Variants in SLCO5A1 observed in about 807,000 individuals in gnomAD.
SLCO5A1 encodes the protein solute carrier organic anion transporter family member 5A1.
A neutral mutation model predicts 65.1 loss-of-function variants in SLCO5A1; 39 were observed. The ratio of observed to expected loss-of-function variants is 0.60; its 90% CI spans 0.46 to 0.78. The LOEUF (loss-of-function observed/expected upper bound fraction) is 0.78. Among genes scored for constraint, SLCO5A1 ranks in the 30% least tolerant of loss-of-function variants. The pLI is 0.00. For missense variants in SLCO5A1, 1,029 were observed against 1,069.4 expected, an observed-to-expected ratio of 0.96 and a Z score of 0.53; for synonymous variants, 438 against 415.7, an observed-to-expected ratio of 1.05 and a Z score of -0.65.
intron 5 of SLCO5A1, among the ~76,000 whole-genome samples, chr8:69,717,843 T>C (rs1249677208): frequency 1.3e-5 from 2 of 152,210 alleles, no homozygotes; most frequent in Admixed American, 1.3e-4. Context: ...CATTTTGAAA[T>C]GAGGATACAT....
chr8:69,789,379 T>C (rs1177863392), intron 2 of SLCO5A1, among the ~76,000 whole-genome samples: 1 of 152,226 alleles, frequency 6.6e-6, no homozygotes. Context: ...ATAGGCAAGA[T>C]GTTTTAGCTT....
intron 2 of SLCO5A1, among the ~76,000 whole-genome samples, chr8:69,799,983 C>T (rs983551519): frequency 2.0e-5 from 3 of 151,898 alleles, no homozygotes; most frequent in Admixed American, 6.6e-5. Context: ...TAATAATTTC[C>T]TGAAAATATT....
intron 5 of SLCO5A1, among the ~76,000 whole-genome samples, chr8:69,737,498 G>A (rs972823026): frequency 1.3e-5 from 2 of 152,040 alleles, no homozygotes; most frequent in African/African-American, 4.8e-5. Flanking sequence ...AAGATTTTAA[G>A]CACTAAGTAC....
At position 69,727,046 on chromosome 8, in the gene SLCO5A1, G is replaced by A. The variant is rs148366048; in HGVS notation, c.1423+10994C>T. ...ATCTCATTTAATCCTCAGAGCCTTTGCTACCCATAGAGGTTAATGAGTTGG... is the reference window on the plus strand; with the variant it reads ...ATCTCATTTAATCCTCAGAGCCTTTACTACCCATAGAGGTTAATGAGTTGG... On this transcript the variant is annotated intron_variant, in intron 5 of 9. Coordinates refer to ENST00000260126, the MANE Select transcript of SLCO5A1 (RefSeq NM_030958.3). Among the ~76,000 whole-genome samples the A allele has an allele frequency of 1.8e-4, 28 of 152,284 alleles. No individual in the cohort carries two copies. The East Asian group carries it at 5.2e-3, about 28-fold the overall frequency.
At chr8:69,790,752 A>T (rs747034633) in intron 2 of SLCO5A1, among the ~76,000 whole-genome samples, 11 of 152,240 alleles carry the variant, frequency 7.2e-5, no homozygotes, top group Non-Finnish European at 1.3e-4. Context: ...GAGCAGTATG[A>T]ACTAAAAACA....
chr8:69,711,693 T>C (rs114225075), intron 5 of SLCO5A1, among the ~76,000 whole-genome samples: 2 of 152,226 alleles, frequency 1.3e-5, no homozygotes, highest in Non-Finnish European at 2.9e-5. Flanking sequence ...GCTGCATGTC[T>C]TCAGGCAAAT....
In SLCO5A1 at chr8:69,673,103, C is replaced by A; in HGVS notation, c.2313G>T (p.Arg771Ser). Residue 771 changes from arginine (R) to serine (S), a missense_variant, in exon 10 of 10, where the codon AGG (arginine) becomes AGT (serine). By Grantham distance (110) the Arg-to-Ser change is moderately radical. Coordinates refer to ENST00000260126, the MANE Select transcript of SLCO5A1 (RefSeq NM_030958.3). Reference sequence around the variant, plus strand: ...CGGTGCTCAGGGGAAATTCTCTCTGCCTCCGCCTCTGCAGTCCATCCTCCT... The same window carrying A: ...CGGTGCTCAGGGGAAATTCTCTCTGACTCCGCCTCTGCAGTCCATCCTCCT... Reference protein sequence around the residue: ...KYKEDGLQRRRQREFPLSTVS... With the variant: ...KYKEDGLQRRSQREFPLSTVS... 6.2e-7 allele frequency: 1 copy of A among 1,614,244 alleles called. No individual in the cohort carries two copies. Among genetic ancestry groups the A allele is most frequent in the Non-Finnish European group, 8.5e-7 (1 of 1,180,040 alleles).
intron 2 of SLCO5A1, among the ~76,000 whole-genome samples, chr8:69,807,404 T>C (rs190538801): frequency 3.0e-4 from 46 of 152,316 alleles, no homozygotes; most frequent in African/African-American, 1.1e-3. Flanking sequence ...CAATACATTA[T>C]TATTAACTAC....
chr8:69,736,092 T>G (rs1028840442), intron 5 of SLCO5A1, among the ~76,000 whole-genome samples: 2 of 152,186 alleles, frequency 1.3e-5, no homozygotes, highest in African/African-American at 4.8e-5. Context: ...GATGACAAAA[T>G]CAGAATGGAA....
intron 5 of SLCO5A1, among the ~76,000 whole-genome samples, chr8:69,728,124 C>T (rs1034025372): frequency 6.6e-6 from 1 of 152,030 alleles, no homozygotes; most frequent in African/African-American, 2.4e-5. Context: ...GGTCTCTAGA[C>T]TGTATGGTAC....
chr8:69,680,640 A>G (rs1813729343), intron 7 of SLCO5A1, among the ~76,000 whole-genome samples: 1 of 152,204 alleles, frequency 6.6e-6, no homozygotes, highest in Non-Finnish European at 1.5e-5. Flanking sequence ...TTTCTTTTGG[A>G]TACATACACA....
chr8:69,825,157 C>T (rs1384215503), intron 2 of SLCO5A1, among the ~76,000 whole-genome samples: 3 of 152,066 alleles, frequency 2.0e-5, no homozygotes, highest in Admixed American at 1.3e-4. Context: ...TCTGACAAAC[C>T]CACAGCCAAT....
chr8:69,679,634 T>C lies in SLCO5A1; in HGVS notation c.1783-15A>G, dbSNP rs746249907. 1 of 1,612,234 alleles carries C rather than the reference T, an allele frequency of 6.2e-7. No individual in the cohort carries two copies. Among genetic ancestry groups the C allele is most frequent in the South Asian group, 1.1e-5 (1 of 91,024 alleles). ...TAATTCCGTATCTAAGTGAGCAAAA[T>C]AAAGATGAGTTGTGTGCCCCTCAAA... On this transcript the variant is annotated splice_polypyrimidine_tract_variant and intron_variant, in intron 7 of 9. Coordinates refer to ENST00000260126, the MANE Select transcript of SLCO5A1 (RefSeq NM_030958.3).
intron 2 of SLCO5A1, among the ~76,000 whole-genome samples, chr8:69,809,102 A>T (rs1328090690): frequency 1.3e-5 from 2 of 152,300 alleles, no homozygotes; most frequent in Admixed American, 6.5e-5. Flanking sequence ...ACTCTGTCTC[A>T]AAATAAATAA....
Position 69,771,145 on chromosome 8 carries a change from C to G in SLCO5A1, c.908-9270G>C, listed in dbSNP as rs12548226. On this transcript the variant is annotated intron_variant, in intron 2 of 9. Coordinates refer to ENST00000260126, the MANE Select transcript of SLCO5A1 (RefSeq NM_030958.3). ...GATCACAGGTGCCCACCACCACGCC[C>G]GGCTAATTTTGTATTTTCAGTAGAG... 4.6e-4 allele frequency among the ~76,000 whole-genome samples: 70 copies of G among 152,094 alleles called. 1 individual carries two copies. The South Asian group carries it at 0.012, about 26-fold the overall frequency.
intron 6 of SLCO5A1, among the ~76,000 whole-genome samples, chr8:69,684,269 A>G (rs1438983127): frequency 1.3e-5 from 2 of 152,124 alleles, no homozygotes; most frequent in Non-Finnish European, 2.9e-5. Flanking sequence ...TCAGGAGACA[A>G]TTTTAGTTCT....
chr8:69,682,405 T>C (rs1813823911), intron 6 of SLCO5A1, 62 bp from the exon 7 acceptor site: 1 of 1,397,830 alleles, frequency 7.2e-7, no homozygotes, highest in African/African-American at 1.5e-5. Context: ...ATAGGAAAGG[T>C]CTTGAAATTA....
chr8:69,684,670 A>C (rs1563660060), intron 6 of SLCO5A1, among the ~76,000 whole-genome samples: 1 of 152,184 alleles, frequency 6.6e-6, no homozygotes, highest in South Asian at 2.1e-4. Flanking sequence ...CCAGCAATCC[A>C]CAAGTGCTTC....
intron 4 of SLCO5A1, among the ~76,000 whole-genome samples, chr8:69,754,950 A>G (rs1446319993): frequency 6.6e-6 from 1 of 152,148 alleles, no homozygotes; most frequent in African/African-American, 2.4e-5. Context: ...ATCAAACCAC[A>G]CTGCCAAAGC....
Sources: gnomAD v4.1 joint callset for allele counts (sites outside exome capture counted in the v4.1 genomes callset) on GRCh38, gnomAD v4.1.1 for gene constraint, MANE v1.5 for transcripts, NCBI Gene and HGNC (gene_info 2026-07-23, HGNC 2026-07-21) for gene names.